The following TLE3 variants were observed in gnomAD, a reference collection of about 807,000 sequenced individuals.
TLE3 encodes the protein TLE family member 3, transcriptional corepressor, also known as transducin-like enhancer protein 3.
In TLE3, 14 loss-of-function variants were observed where a neutral mutation model predicts 93.0. The observed-to-expected ratio is 0.15, with a 90% CI of 0.10 to 0.24. The LOEUF is 0.24. TLE3 is among the 10% of genes least tolerant of loss of function. TLE3 has a pLI of 1.00. For synonymous variants in TLE3, 451 were observed against 425.0 expected, an observed-to-expected ratio of 1.06 and a Z score of -0.75; for missense variants, 693 against 1,046.6, an observed-to-expected ratio of 0.66 and a Z score of 4.66.
chr15:70,052,091 G>C (rs1957293390), intron 18 of TLE3, among the ~76,000 whole-genome samples: 1 of 152,248 alleles, frequency 6.6e-6, no homozygotes, highest in South Asian at 2.1e-4. Context: ...GGAACTGCCT[G>C]CACTGCTACT....
chr15:70,059,536 T>A, intron 9 of TLE3, 76 bp from the exon 10 acceptor site: 1 of 1,455,396 alleles, frequency 6.9e-7, no homozygotes, highest in Non-Finnish European at 9.4e-7. Context: ...CAAACCACCC[T>A]GTCCTTCTAC....
At chr15:70,053,595 C>T in intron 16 of TLE3, 1 of 434,818 alleles carries the variant, frequency 2.3e-6, no homozygotes, top group Non-Finnish European at 4.0e-6. Flanking sequence ...GGACAAGTCC[C>T]CTGGGAAATG....
In TLE3 at chr15:70,078,455, T is replaced by G. The variant is rs572737686; in HGVS notation, c.235-2297A>C. On this transcript the variant is annotated intron_variant, in intron 4 of 19. Transcript: ENST00000451782. ...TTAGGAAGCTCACAGGTCCAAGGCC[T>G]GTTATCTTAAACAACAATAGAGCAG... 1.2e-4 allele frequency among the ~76,000 whole-genome samples: 19 copies of G among 152,398 alleles called. No homozygotes were observed. The East Asian group carries it at 3.1e-3, about 25-fold the overall frequency.
At chr15:70,052,571 C>T (rs992688609) in intron 17 of TLE3, 47 bp from the exon 18 acceptor site, 54 of 1,585,408 alleles carry the variant, frequency 3.4e-5, no homozygotes, top group Non-Finnish European at 4.5e-5. Context: ...CATTCTCTGC[C>T]CTCAAGAGGA....
In TLE3 at chr15:70,049,514, T is replaced by TAAAAAAAAA. The variant is rs11324999; in HGVS notation, c.*574_*582dup. The TAAAAAAAAA allele has an allele frequency of 3.3e-5, 4 of 122,200 alleles. 1 individual carries two copies. Among genetic ancestry groups the TAAAAAAAAA allele is most frequent in the African/African-American group, 6.6e-5 (2 of 30,440 alleles). The allele number at this position is 122,200 out of a possible 1,614,324, so 7.6% of individuals were successfully genotyped here. On this transcript the variant is annotated 3_prime_UTR_variant, in exon 20 of 20. Coordinates refer to ENST00000451782, the MANE Select transcript of TLE3 (RefSeq NM_001105192.3). ...TCCCAGGTGAGAGCATCTGTTTATT[T>TAAAAAAAAA]AAAAAAAAAAAAAAAAAAAAGCCAC...
intron 4 of TLE3, among the ~76,000 whole-genome samples, chr15:70,093,298 C>T (rs758964903): frequency 1.3e-5 from 2 of 152,192 alleles, no homozygotes; most frequent in African/African-American, 2.4e-5. Flanking sequence ...ACACTGGGGG[C>T]TCCCTCCAGG....
chr15:70,077,741 A>C (rs1172938127), intron 4 of TLE3, among the ~76,000 whole-genome samples: 1 of 152,254 alleles, frequency 6.6e-6, no homozygotes, highest in African/African-American at 2.4e-5. Context: ...CACTGCTGTC[A>C]GCTTTCTGCC....
At chr15:70,071,735 T>C (rs2057178641) in intron 6 of TLE3, among the ~76,000 whole-genome samples, 1 of 152,008 alleles carries the variant, frequency 6.6e-6, no homozygotes, top group South Asian at 2.1e-4. Context: ...GAGCAGCAAA[T>C]CCAACAGTGC....
intron 4 of TLE3, among the ~76,000 whole-genome samples, chr15:70,087,792 A>G (rs1274587648): frequency 1.3e-5 from 2 of 152,262 alleles, no homozygotes; most frequent in African/African-American, 4.8e-5. Flanking sequence ...CAGAGAGGCA[A>G]AGGAAACCTC....
At chr15:70,080,233 C>T (rs2057700658) in intron 4 of TLE3, among the ~76,000 whole-genome samples, 1 of 152,158 alleles carries the variant, frequency 6.6e-6, no homozygotes, top group African/African-American at 2.4e-5. Flanking sequence ...CCCTCCATCT[C>T]GGTCCCACAA....
intron 7 of TLE3, among the ~76,000 whole-genome samples, chr15:70,065,660 T>C (rs1266383678): frequency 6.6e-6 from 1 of 152,196 alleles, no homozygotes; most frequent in Admixed American, 6.5e-5. Flanking sequence ...CTTAAACTCT[T>C]ACAGGAACTT....
rs1345153575 is a variant in TLE3, at chr15:70,055,121, G to T, written c.1506C>A (p.Gly502=). The part of the protein sequence containing the change: ...SNPTRHVYTG[G]KGCVKIWDIS... Reference sequence around the variant, plus strand: ...TGTCCCAGATCTTCACGCAGCCCTTGCCACCTGTGTAGACGTGCCTCGTGG... The same window carrying T: ...TGTCCCAGATCTTCACGCAGCCCTTTCCACCTGTGTAGACGTGCCTCGTGG... Residue 502 remains glycine (G), a synonymous_variant, in exon 15 of 20, where the codon GGC becomes GGA. Coordinates refer to ENST00000451782, the MANE Select transcript of TLE3 (RefSeq NM_001105192.3). 6.2e-7 allele frequency: 1 copy of T among 1,614,160 alleles called. No individual in the cohort carries two copies.
intron 6 of TLE3, among the ~76,000 whole-genome samples, chr15:70,070,232 C>T (rs977845587): frequency 6.6e-6 from 1 of 152,264 alleles, no homozygotes; most frequent in African/African-American, 2.4e-5. Context: ...ATGTACTCCA[C>T]ACAAGTGATA....
intron 17 of TLE3, 182 bp from the exon 18 acceptor site, chr15:70,052,706 T>A (rs1212191665): frequency 2.0e-6 from 1 of 509,066 alleles, no homozygotes; most frequent in African/African-American, 2.1e-5. Context: ...AGCACAGACA[T>A]TTTGCATTCA....
rs1407773827 is a variant in TLE3, at chr15:70,048,988, C to A, written c.*1109G>T. On this transcript the variant is annotated 3_prime_UTR_variant, in exon 20 of 20. Transcript: ENST00000451782. ...TTATAAAAGGACATCACTTCTAATTCTTTTTATTCAAATTAAAAAAAAAAA... is the reference window on the plus strand; with the variant it reads ...TTATAAAAGGACATCACTTCTAATTATTTTTATTCAAATTAAAAAAAAAAA... 2.0e-5 allele frequency: 3 copies of A among 149,750 alleles called. No homozygotes were observed. Among genetic ancestry groups the A allele is most frequent in the Non-Finnish European group, 4.4e-5 (3 of 67,602 alleles). The allele number at this position is 149,750 out of a possible 1,614,324, so 9.3% of individuals were successfully genotyped here. A position where few individuals can be genotyped will look rare whatever the true frequency, so the allele number is the denominator to read the frequency against.
Position 70,065,996 on chromosome 15 carries a change from G to GC in TLE3, c.577+17dup, listed in dbSNP as rs754436201. 2.2e-6 allele frequency: 3 copies of GC among 1,347,800 alleles called. No homozygotes were observed. Among genetic ancestry groups the GC allele is most frequent in the Non-Finnish European group, 3.1e-6 (3 of 955,758 alleles). The allele number at this position is 1,347,800 out of a possible 1,614,324, so 83.5% of individuals were successfully genotyped here. A position where few individuals can be genotyped will look rare whatever the true frequency, so the allele number is the denominator to read the frequency against. Reference sequence around the variant, plus strand: ...CCACCCCTGCCCCGCCCCACCCTCTGCCCCAGCCCAGCCGCACCTCTGTGA... The same window carrying GC: ...CCACCCCTGCCCCGCCCCACCCTCTGCCCCCAGCCCAGCCGCACCTCTGTGA... On this transcript the variant is annotated intron_variant, in intron 7 of 19. Transcript: ENST00000451782.
chr15:70,073,671 C>T (rs1458273805), intron 6 of TLE3, among the ~76,000 whole-genome samples: 2 of 152,198 alleles, frequency 1.3e-5, no homozygotes, highest in Non-Finnish European at 2.9e-5. Flanking sequence ...TCCTGTCCAC[C>T]CTCTTCATTT....
intron 6 of TLE3, 137 bp downstream of exon 6, chr15:70,074,396 G>T: frequency 9.2e-7 from 1 of 1,086,608 alleles, no homozygotes; most frequent in South Asian, 1.5e-5. Flanking sequence ...AGCCCTTGGG[G>T]TGCTTGTAGA....
At chr15:70,061,861 C>A (rs915030085) in intron 8 of TLE3, among the ~76,000 whole-genome samples, 8 of 150,654 alleles carry the variant, frequency 5.3e-5, no homozygotes, top group African/African-American at 2.0e-4. Context: ...TCCCAGGTCC[C>A]AGTCCCCATG....
Sources: allele counts gnomAD v4.1 joint callset (sites outside exome capture counted in the v4.1 genomes callset), GRCh38; gene constraint gnomAD v4.1.1; transcripts MANE v1.5; gene names NCBI Gene and HGNC (gene_info 2026-07-23, HGNC 2026-07-21).